Variants in PLA2G4F observed in about 807,000 individuals in gnomAD.
The protein encoded by PLA2G4F is cytosolic phospholipase A2 zeta.
PLA2G4F carries 105 observed loss-of-function variants against 103.1 expected under a neutral mutation model. That is an observed-to-expected ratio of 1.02 (90% CI 0.87 to 1.20). The LOEUF (loss-of-function observed/expected upper bound fraction) is 1.20, where lower values mean the gene tolerates loss of function less well. PLA2G4F is among the 50% of genes most tolerant of loss of function. PLA2G4F has a pLI of 0.00. For synonymous variants in PLA2G4F, 468 were observed against 441.1 expected, an observed-to-expected ratio of 1.06 and a Z score of -0.76; for missense variants, 1,155 against 1,075.9, an observed-to-expected ratio of 1.07 and a Z score of -1.03.
intron 11 of PLA2G4F, chr15:42,148,905 C>G: frequency 1.0e-6 from 1 of 985,440 alleles, no homozygotes; most frequent in South Asian, 4.7e-5. Flanking sequence ...AGAGCAGACA[C>G]CTAGCACAGA....
intron 7 of PLA2G4F, among the ~76,000 whole-genome samples, chr15:42,152,316 G>C (rs1334924196): frequency 6.6e-6 from 1 of 152,178 alleles, no homozygotes; most frequent in East Asian, 1.9e-4. Flanking sequence ...CTGATGCCTT[G>C]AGAACATGCC....
intron 13 of PLA2G4F, 117 bp downstream of exon 13, chr15:42,147,007 G>A (rs989988752): frequency 2.2e-5 from 23 of 1,048,900 alleles, no homozygotes; most frequent in African/African-American, 8.0e-5. Flanking sequence ...CAGGGGAGCC[G>A]AGAGCTCAGG....
rs1566877989 is a variant in PLA2G4F, at chr15:42,144,594, G to C, written c.1831C>G (p.Leu611Val). The C allele has an allele frequency of 5.0e-6, 8 of 1,612,290 alleles. No individual in the cohort carries two copies. The highest frequency in any genetic ancestry group is 5.9e-6 in the Non-Finnish European group (7 of 1,179,134). The part of the protein sequence containing the change: ...LHNPSRLRTR[L>V]LTPQGPFSQA... ...GAGAAGGGCCCCTGTGGGGTGAGGA[G>C]CCTCGTTCGCAGCCTCGAGGGGTTG... The change falls in exon 17 of 20, where the codon CTC becomes GTC. Residue 611 changes from leucine to valine, a missense_variant. Leu to Val is a conservative substitution (Grantham distance 32). Around this residue, in one of 3 missense-constraint regions of PLA2G4F, gnomAD observed 782 missense variants for 692.9 expected, o/e 1.13. Coordinates refer to ENST00000397272, the MANE Select transcript of PLA2G4F (RefSeq NM_213600.4).
chr15:42,149,384 G>C (rs2048928788), intron 11 of PLA2G4F: 2 of 676,732 alleles, frequency 3.0e-6, no homozygotes. Context: ...CCACCAGGAA[G>C]AGGAGAGGGA....
At chr15:42,150,187 C>G in intron 9 of PLA2G4F, 46 bp from the exon 10 acceptor site, 1 of 1,612,906 alleles carries the variant, frequency 6.2e-7, no homozygotes, top group Non-Finnish European at 8.5e-7. Context: ...GGGCAGGATT[C>G]TCCCAGGGAA....
At chr15:42,144,315 A>C (rs1216426773) in intron 17 of PLA2G4F, 135 bp downstream of exon 17, 2 of 1,394,714 alleles carry the variant, frequency 1.4e-6, no homozygotes, top group Non-Finnish European at 1.9e-6. Flanking sequence ...CAGTATTTAG[A>C]GTCGCTCCGC....
At chr15:42,149,940 G>C in intron 10 of PLA2G4F, 92 bp from the exon 11 acceptor site, 1 of 1,538,158 alleles carries the variant, frequency 6.5e-7, no homozygotes, top group Admixed American at 1.7e-5. Flanking sequence ...TTTCACAGGA[G>C]CAGGTCCAAG....
rs1192680496 is a variant in PLA2G4F at position 42,150,720 on chromosome 15, G to A, written c.659C>T (p.Pro220Leu). 6.2e-7 allele frequency: 1 copy of A among 1,612,944 alleles called. No individual in the cohort carries two copies. The highest frequency in any genetic ancestry group is 8.5e-7 in the Non-Finnish European group (1 of 1,179,666). The change falls in exon 8 of 20, where the codon CCC (proline) becomes CTC (leucine). Residue 220 changes from proline to leucine, a missense_variant. Coordinates refer to ENST00000397272, the MANE Select transcript of PLA2G4F (RefSeq NM_213600.4). ...PGAYEKPQLL[P>L]LQPPTEPGLP... ...GCCTGGCTCTGTGGGAGGCTGCAGGGGCAAGAGCTGTGGCTTCTCGTAGGC... is the reference window on the plus strand; with the variant it reads ...GCCTGGCTCTGTGGGAGGCTGCAGGAGCAAGAGCTGTGGCTTCTCGTAGGC...
chr15:42,151,834 A>G (rs1398047907), intron 7 of PLA2G4F, among the ~76,000 whole-genome samples: 1 of 152,182 alleles, frequency 6.6e-6, no homozygotes, highest in Non-Finnish European at 1.5e-5. Context: ...TGTGCCCGTG[A>G]GCAAGTGTTT....
Position 42,139,648 on chromosome 15 carries a change from C to G in PLA2G4F, c.*2336G>C, listed in dbSNP as rs1026265106. ...ACTCAGATCTCTCCTGAGGAGCAGA[C>G]ATTAAACTGGCTGGGTTACCTTCGG... is the stretch of plus-strand genomic sequence containing the variant. On this transcript the variant is annotated 3_prime_UTR_variant, in exon 20 of 20. Transcript: ENST00000397272. The G allele has an allele frequency of 9.2e-5, 14 of 152,258 alleles. No individual in the cohort carries two copies. The highest frequency in any genetic ancestry group is 3.1e-4 in the African/African-American group (13 of 41,444). The allele number at this position is 152,258 out of a possible 1,614,324, so 9.4% of individuals were successfully genotyped here.
At chr15:42,150,905 C>T in intron 7 of PLA2G4F, 128 bp from the exon 8 acceptor site, 1 of 1,472,700 alleles carries the variant, frequency 6.8e-7, no homozygotes, top group South Asian at 1.4e-5. Flanking sequence ...GCTCTTATCG[C>T]CCGCTCTCTC....
Position 42,142,669 on chromosome 15 carries a change from A to AG in PLA2G4F, c.2187dup (p.Phe730LeufsTer3). On this transcript the variant is annotated frameshift_variant, in exon 19 of 20. Transcript: ENST00000397272. LOFTEE classifies it high-confidence loss of function. Reference sequence around the variant, plus strand: ...TCAGGGCCCACCTCGATGCTAGGGAAGGGGATTCCTCGGTCCAGGCAGTAC... The same window carrying AG: ...TCAGGGCCCACCTCGATGCTAGGGAAGGGGGATTCCTCGGTCCAGGCAGTAC... The AG allele has an allele frequency of 6.2e-7, 1 of 1,614,098 alleles. No homozygotes were observed. Among genetic ancestry groups the AG allele is most frequent in the African/African-American group, 1.3e-5 (1 of 75,028 alleles).
In PLA2G4F at chr15:42,149,787, C is replaced by T. The variant is rs1475618365; in HGVS notation, c.985G>A (p.Asp329Asn). ...DLSDGEQEFL[D>N]RRKQVVSKAL... is the part of the protein sequence containing the mutation. ...TTGGACACGACCTGCTTCCTCCTGTCCAGAAACTCCTGCTCCCCGTCAGAG... is the reference window on the plus strand; with the variant it reads ...TTGGACACGACCTGCTTCCTCCTGTTCAGAAACTCCTGCTCCCCGTCAGAG... The change falls in exon 11 of 20, where the codon GAC becomes AAC. Residue 329 changes from aspartate (D) to asparagine (N), a missense_variant. Physicochemically the swap from Asp to Asn is conservative, Grantham distance 23 (BLOSUM62 1). Coordinates refer to ENST00000397272, the MANE Select transcript of PLA2G4F (RefSeq NM_213600.4). The T allele has an allele frequency of 6.2e-7, 1 of 1,614,080 alleles. No homozygotes were observed. Among genetic ancestry groups the T allele is most frequent in the African/African-American group, 1.3e-5 (1 of 74,938 alleles).
At chr15:42,146,727 T>A (rs1490449681) in intron 13 of PLA2G4F, 1 of 215,532 alleles carries the variant, frequency 4.6e-6, no homozygotes, top group Non-Finnish European at 9.3e-6. Context: ...CCAGGCGGAG[T>A]GAGTTATGGC....
At chr15:42,156,378 G>C in intron 1 of PLA2G4F, 61 bp downstream of exon 1, 4 of 1,386,598 alleles carry the variant, frequency 2.9e-6, no homozygotes, top group African/African-American at 1.4e-5. Context: ...GTCTTCACAG[G>C]GCACTGCAGC....
chr15:42,146,009 G>A lies in PLA2G4F; in HGVS notation c.1535-106C>T, dbSNP rs573776764. On this transcript the variant is annotated intron_variant, in intron 14 of 19. Transcript: ENST00000397272. ...AATGACAGGAAGAAGCAGCAGCCCCGCTGTGCTCCAAGGTGCCTGTGTGCA... is the reference window on the plus strand; with the variant it reads ...AATGACAGGAAGAAGCAGCAGCCCCACTGTGCTCCAAGGTGCCTGTGTGCA... 2,774 of 1,585,334 alleles carry A rather than the reference G, an allele frequency of 1.7e-3. 2 individuals are homozygous for A. Among genetic ancestry groups the A allele is most frequent in the Non-Finnish European group, 2.2e-3 (2,588 of 1,159,410 alleles).
chr15:42,156,602 C>A lies in PLA2G4F; in HGVS notation c.-53G>T. ...AACCCTGCCTGCGCTCCTCTGGTTGCACAAACTGCTGGCTCAGGTGTGACA... is the reference window on the plus strand; with the variant it reads ...AACCCTGCCTGCGCTCCTCTGGTTGAACAAACTGCTGGCTCAGGTGTGACA... On this transcript the variant is annotated 5_prime_UTR_variant, in exon 1 of 20. Transcript: ENST00000397272. The A allele has an allele frequency of 7.7e-7, 1 of 1,306,296 alleles. No homozygotes were observed. Among genetic ancestry groups the A allele is most frequent in the South Asian group, 1.4e-5 (1 of 72,368 alleles). 80.9% of individuals were successfully genotyped at this position (1,306,296 alleles called of 1,614,324 possible).
intron 16 of PLA2G4F, among the ~76,000 whole-genome samples, chr15:42,144,892 C>T (rs1236417750): frequency 1.3e-5 from 2 of 152,118 alleles, no homozygotes; most frequent in Non-Finnish European, 2.9e-5. Flanking sequence ...ATCTTTCACC[C>T]TTCCTAAAAT....
intron 18 of PLA2G4F, 113 bp from the exon 19 acceptor site, chr15:42,142,827 T>A: frequency 8.9e-7 from 1 of 1,129,854 alleles, no homozygotes; most frequent in Non-Finnish European, 1.3e-6. Flanking sequence ...ACTAGCTGAG[T>A]GACTTCAGGC....
Sources: allele counts gnomAD v4.1 joint callset (sites outside exome capture counted in the v4.1 genomes callset), GRCh38; gene constraint gnomAD v4.1.1; regional missense constraint gnomAD v4.1.1; transcripts MANE v1.5; gene names NCBI Gene and HGNC (gene_info 2026-07-23, HGNC 2026-07-21).